BLOC1S3: variants seen among roughly 807,000 people sequenced by gnomAD.
BLOC1S3 encodes biogenesis of lysosomal organelles complex 1 subunit 3, also known as biogenesis of lysosome-related organelles complex 1 subunit 3.
BLOC1S3 carries 7 observed loss-of-function variants against 9.1 expected under a neutral mutation model. The ratio of observed to expected loss-of-function variants is 0.77; its 90% CI spans 0.44 to 1.45. The LOEUF is 1.45. Ranked by LOEUF, BLOC1S3 falls within the 40% of genes most tolerant of loss-of-function variation. The pLI, the probability that BLOC1S3 is intolerant of heterozygous loss-of-function variation, is 0.01. For synonymous variants in BLOC1S3, 145 were observed against 158.4 expected (o/e 0.92, Z 0.64); for missense variants, 307 against 315.2 (o/e 0.97, Z 0.20).
chr19:45,210,479 A>G (rs1477119250), intron 3 of BLOC1S3, among the ~76,000 whole-genome samples: 1 of 151,322 alleles, frequency 6.6e-6, no homozygotes, highest in Non-Finnish European at 1.5e-5. Flanking sequence ...TTGAATTTTT[A>G]GTAGAGATGT....
chr19:45,184,771 G>A (rs1430815603), downstream of BLOC1S3, among the ~76,000 whole-genome samples: 1 of 151,844 alleles, frequency 6.6e-6, no homozygotes, highest in Non-Finnish European at 1.5e-5. Flanking sequence ...ACGGTGGCGG[G>A]CACTTGTGGT....
intron 3 of BLOC1S3, among the ~76,000 whole-genome samples, chr19:45,216,365 G>A (rs1309200494): frequency 6.6e-6 from 1 of 152,098 alleles, no homozygotes; most frequent in Non-Finnish European, 1.5e-5. Flanking sequence ...GATCACTAGA[G>A]GTCAGGACAT....
intron 3 of BLOC1S3, among the ~76,000 whole-genome samples, chr19:45,205,175 TG>T: frequency 6.6e-6 from 1 of 152,112 alleles, no homozygotes; most frequent in Non-Finnish European, 1.5e-5. Flanking sequence ...ATTGTGTGTG[TG>T]TGTGTGTGAG....
chr19:45,208,954 GGACTGGGGA>G (rs1969747723), intron 3 of BLOC1S3, among the ~76,000 whole-genome samples: 1 of 152,108 alleles, frequency 6.6e-6, no homozygotes, highest in South Asian at 2.1e-4. Flanking sequence ...AGGAAAAGGA[GGACTGGGGA>G]GACGGTGGTC....
At position 45,181,304 on chromosome 19, in the gene BLOC1S3, AG is replaced by A. The variant is rs1426426742; in HGVS notation, c.*1403del. The A allele has an allele frequency of 1.2e-5, 2 of 167,170 alleles. No homozygotes were observed. The highest frequency in any genetic ancestry group is 3.8e-4 in the East Asian group (2 of 5,204). The allele number at this position is 167,170 out of a possible 1,614,324, so 10.4% of individuals were successfully genotyped here. On this transcript the variant is annotated 3_prime_UTR_variant, in exon 2 of 2. Transcript: ENST00000433642. Reference sequence around the variant, plus strand: ...ATGATGGCCCCTCTTAACCCAAGGCAGGGGATCTTCCTCCCAACTCCCTGGA... The same window carrying A: ...ATGATGGCCCCTCTTAACCCAAGGCAGGGATCTTCCTCCCAACTCCCTGGA...
Position 45,213,398 on chromosome 19 carries a change from C to T in BLOC1S3, n.283-3278C>T, listed in dbSNP as rs1191316215. 6 of 1,603,084 alleles carry T rather than the reference C, an allele frequency of 3.7e-6. No homozygotes were observed. In the South Asian group the frequency reaches 6.7e-5, roughly 18 times the overall value. On this transcript the variant is annotated intron_variant and non_coding_transcript_variant, in intron 3 of 3. Transcript: ENST00000591569. ...CAGACAGGTGCATGCAGATCCCCAG[C>T]TCTAGACACACACCCAACCCAGCCG... is the stretch of plus-strand genomic sequence containing the variant.
At chr19:45,190,704 A>G (rs1969597820) in intron 2 of BLOC1S3, among the ~76,000 whole-genome samples, 2 of 151,514 alleles carry the variant, frequency 1.3e-5, no homozygotes, top group Non-Finnish European at 1.5e-5. Context: ...ACCCAACCCC[A>G]GAACAGCTAA....
At position 45,179,782 on chromosome 19, in the gene BLOC1S3, G is replaced by C. The variant is rs765158879; in HGVS notation, c.486G>C (p.Leu162=). The change falls in exon 2 of 2, where the codon CTG becomes CTC. Residue 162 remains leucine, a synonymous_variant. Coordinates refer to ENST00000433642, the MANE Select transcript of BLOC1S3 (RefSeq NM_212550.5). This position sits in a 1 kb window ranked among gnomAD's most constrained non-coding sequence, Gnocchi z 4.6. ...AGLAAAHSVR[L]ARGDLCALAE... ...TGGCGGCGGCCCACAGCGTGCGCCT[G>C]GCGCGCGGGGACCTTTGTGCGCTGG... 5.7e-6 allele frequency: 9 copies of C among 1,565,396 alleles called. No homozygotes were observed. The African/African-American group carries it at 1.1e-4, about 20-fold the overall frequency.
At chr19:45,191,440 G>A (rs1204452034) in intron 2 of BLOC1S3, among the ~76,000 whole-genome samples, 3 of 152,136 alleles carry the variant, frequency 2.0e-5, no homozygotes, top group Non-Finnish European at 4.4e-5. Flanking sequence ...TAGTTTCTGT[G>A]GTGAGGTCAT....
chr19:45,202,848 C>A lies in BLOC1S3; in HGVS notation n.282+341C>A, dbSNP rs76587860. Reference sequence around the variant, plus strand: ...GATGTTTATTCAAGGCCCAAGAGATCTTTAGTCAGCAAGTAATGAATCCTG... The same window carrying A: ...GATGTTTATTCAAGGCCCAAGAGATATTTAGTCAGCAAGTAATGAATCCTG... On this transcript the variant is annotated intron_variant and non_coding_transcript_variant, in intron 3 of 3. Transcript: ENST00000591569. Among the ~76,000 whole-genome samples, 740 of 152,176 alleles carry A rather than the reference C, an allele frequency of 4.9e-3. 5 individuals carry two copies. The highest frequency in any genetic ancestry group is 8.7e-3 in the Non-Finnish European group (595 of 68,012).
intron 3 of BLOC1S3, chr19:45,213,332 C>A (rs756258972): frequency 6.2e-7 from 1 of 1,613,314 alleles, no homozygotes. Context: ...CCACGGATGT[C>A]GAGGAGGGCT....
rs578061061 is a variant in BLOC1S3 at position 45,200,755 on chromosome 19, T to C, written n.181-1651T>C. Among the ~76,000 whole-genome samples, 5 of 152,326 alleles carry C rather than the reference T, an allele frequency of 3.3e-5. No homozygotes were observed. In the South Asian group the frequency reaches 6.2e-4, roughly 19 times the overall value. On this transcript the variant is annotated intron_variant and non_coding_transcript_variant, in intron 2 of 3. Coordinates refer to the BLOC1S3 transcript ENST00000591569. ...TGGGCATTGATGAGTTCAGTGTTTA[T>C]TGTAGTCTTTGTAGTCTGAGCTTAT...
chr19:45,206,462 T>TG (rs1555754631), intron 3 of BLOC1S3, among the ~76,000 whole-genome samples: 3 of 115,446 alleles, frequency 2.6e-5, no homozygotes, highest in Non-Finnish European at 5.3e-5. Context: ...TTTTTTTTTT[T>TG]TTTTTTTTTT....
chr19:45,211,690 C>G (rs948185946), intron 3 of BLOC1S3, among the ~76,000 whole-genome samples: 2 of 151,636 alleles, frequency 1.3e-5, no homozygotes, highest in Non-Finnish European at 2.9e-5. Context: ...CAGCCTTGGG[C>G]TCCGAGAGTC....
At chr19:45,215,189 G>A (rs1408869033) in intron 3 of BLOC1S3, among the ~76,000 whole-genome samples, 1 of 151,920 alleles carries the variant, frequency 6.6e-6, no homozygotes, top group Non-Finnish European at 1.5e-5. Flanking sequence ...TATAAAGTTG[G>A]CATGGGCTGG....
chr19:45,200,952 A>G (rs1442852522), intron 2 of BLOC1S3, among the ~76,000 whole-genome samples: 3 of 152,178 alleles, frequency 2.0e-5, no homozygotes, highest in Admixed American at 1.3e-4. Flanking sequence ...CTGTAATCCC[A>G]GCACATTGGG....
intron 2 of BLOC1S3, among the ~76,000 whole-genome samples, chr19:45,190,972 ATT>A (rs1969602920): frequency 6.7e-6 from 1 of 148,444 alleles, no homozygotes; most frequent in Admixed American, 6.9e-5. Context: ...CGCCCGGCTA[ATT>A]TTTTGTTTTT....
chr19:45,213,053 G>T, intron 3 of BLOC1S3: 1 of 1,468,880 alleles, frequency 6.8e-7, no homozygotes, highest in Non-Finnish European at 9.0e-7. Flanking sequence ...CACTAAGGCC[G>T]GCGGTTGGGT....
downstream of BLOC1S3, among the ~76,000 whole-genome samples, chr19:45,186,277 T>C (rs1486938788): frequency 6.6e-6 from 1 of 152,202 alleles, no homozygotes; most frequent in Non-Finnish European, 1.5e-5. Context: ...TGGCAAACAC[T>C]TGAATTATTG....
Sources: gnomAD v4.1 joint callset for allele counts (sites outside exome capture counted in the v4.1 genomes callset) on GRCh38, gnomAD v4.1.1 for gene constraint, Gnocchi (gnomAD v3.1) non-coding constraint, MANE v1.5 for transcripts, NCBI Gene and HGNC (gene_info 2026-07-23, HGNC 2026-07-21) for gene names.